NSDHL: variants seen among roughly 807,000 people sequenced by gnomAD.
NSDHL encodes the protein sterol-4-alpha-carboxylate 3-dehydrogenase, decarboxylating.
Under a neutral mutation model 23.0 loss-of-function variants are expected in NSDHL, and 1 was observed. That is an observed-to-expected ratio of 0.04 (90% CI 0.02 to 0.21). The LOEUF (loss-of-function observed/expected upper bound fraction) is 0.21, where lower values mean the gene tolerates loss of function less well. NSDHL is among the 10% of genes least tolerant of loss of function. The pLI is 1.00. For missense variants in NSDHL, 237 were observed against 300.9 expected, an observed-to-expected ratio of 0.79 and a Z score of 1.57; for synonymous variants, 128 against 121.1, an observed-to-expected ratio of 1.06 and a Z score of -0.37.
At chrX:152,855,779 A>G (rs1186593896) in intron 3 of NSDHL, among the ~76,000 whole-genome samples, 1 of 112,166 alleles carries the variant, frequency 8.9e-6, no homozygotes, top group Non-Finnish European at 1.9e-5. Flanking sequence ...GTTGAAGTCA[A>G]TCCTAGACAT....
At chrX:152,834,655 T>C (rs1933064042) in intron 1 of NSDHL, among the ~76,000 whole-genome samples, 1 of 112,740 alleles carries the variant, frequency 8.9e-6, no homozygotes, top group Non-Finnish European at 1.9e-5. Flanking sequence ...GTGTGCCGCC[T>C]CAGGTGAATC....
chrX:152,856,964 G>C (rs889729418), intron 3 of NSDHL, among the ~76,000 whole-genome samples: 1 of 112,562 alleles, frequency 8.9e-6, no homozygotes, highest in African/African-American at 3.2e-5. Context: ...AGAATCGCTT[G>C]AGCCCGGGAG....
At chrX:152,849,613 A>C (rs1396140017) in intron 2 of NSDHL, among the ~76,000 whole-genome samples, 1 of 112,514 alleles carries the variant, frequency 8.9e-6, no homozygotes, top group Non-Finnish European at 1.9e-5. Flanking sequence ...AGTTCGGAGG[A>C]GGGAAAGCAG....
Position 152,861,508 on chromosome X carries a change from C to G in NSDHL, c.415-1088C>G, listed in dbSNP as rs144513313. Reference sequence around the variant, plus strand: ...ACTTGGCTATTCTGAGCCCTTTGTTCTTCTACATATGTTTGGCTTAACCAG... The same window carrying G: ...ACTTGGCTATTCTGAGCCCTTTGTTGTTCTACATATGTTTGGCTTAACCAG... On this transcript the variant is annotated intron_variant, in intron 4 of 7. Coordinates refer to ENST00000370274, the MANE Select transcript of NSDHL (RefSeq NM_015922.3). Among the ~76,000 whole-genome samples, 72 of 112,981 alleles carry G rather than the reference C, an allele frequency of 6.4e-4. No individual in the cohort carries two copies. The East Asian group carries it at 0.011, about 18-fold the overall frequency.
intron 7 of NSDHL, 105 bp downstream of exon 7, chrX:152,867,778 G>T (rs782694321): frequency 4.5e-5 from 27 of 604,715 alleles, no homozygotes; most frequent in Non-Finnish European, 7.1e-5. Context: ...GTATCATGGA[G>T]GATCTGCCTT....
rs182870506 is a variant in NSDHL at position 152,848,529 on chromosome X, A to G, written c.109-1736A>G. ...CACATTGTCCAAGAGTAGCGTACTG[A>G]TTAGTCACAATTAAAATCGTGAAAT... On this transcript the variant is annotated intron_variant, in intron 2 of 7. Coordinates refer to ENST00000370274, the MANE Select transcript of NSDHL (RefSeq NM_015922.3). 3.5e-5 allele frequency among the ~76,000 whole-genome samples: 4 copies of G among 112,887 alleles called. No individual in the cohort carries two copies. In the East Asian group the frequency reaches 1.1e-3, roughly 31 times the overall value.
At chrX:152,865,987 C>G (rs1327829967) in intron 6 of NSDHL, 26 bp downstream of exon 6, 3 of 1,203,989 alleles carry the variant, frequency 2.5e-6, no homozygotes, top group Non-Finnish European at 3.4e-6. Flanking sequence ...GCGGCTCTTC[C>G]CTAGTCCTTC....
Position 152,852,265 on chromosome X carries a change from T to TA in NSDHL, c.267+1844dup, listed in dbSNP as rs782450162. On this transcript the variant is annotated intron_variant, in intron 3 of 7. Transcript: ENST00000370274. ...AGACGGAGAAAGAGAGGTTGAGATTTAATTCACAGAATTGGTTTACATGAT... is the reference window on the plus strand; with the variant it reads ...AGACGGAGAAAGAGAGGTTGAGATTTAAATTCACAGAATTGGTTTACATGAT... Among the ~76,000 whole-genome samples, 3 of 111,670 alleles carry TA rather than the reference T, an allele frequency of 2.7e-5. No homozygotes were observed. In the South Asian group the frequency reaches 1.1e-3, roughly 42 times the overall value.
Position 152,833,004 on chromosome X carries a change from A to T in NSDHL, c.-44+1887A>T, listed in dbSNP as rs1349711237. The stretch of plus-strand genomic sequence containing the variant: ...GCTCCTCCTCATCTTCCTTCTCAGC[A>T]TACTCATCAGGAAGACCGTGAGGAT... On this transcript the variant is annotated intron_variant, in intron 1 of 7. Transcript: ENST00000370274. Among the ~76,000 whole-genome samples the T allele has an allele frequency of 6.3e-5, 7 of 111,353 alleles. No individual in the cohort carries two copies. The Admixed American group carries it at 6.6e-4, about 11-fold the overall frequency.
intron 1 of NSDHL, among the ~76,000 whole-genome samples, chrX:152,837,290 T>C (rs1933114004): frequency 8.9e-6 from 1 of 111,792 alleles, no homozygotes. Flanking sequence ...CCTTTATTTC[T>C]TTCTCTTGCC....
Position 152,869,387 on chromosome X carries a change from C to G in NSDHL, c.*271C>G, listed in dbSNP as rs868957602. The G allele has an allele frequency of 5.2e-6, 2 of 387,055 alleles. No individual in the cohort carries two copies. Among genetic ancestry groups the G allele is most frequent in the African/African-American group, 5.0e-5 (2 of 39,932 alleles). 31.9% of individuals were successfully genotyped at this position (387,055 alleles called of 1,213,427 possible). A position where few individuals can be genotyped will look rare whatever the true frequency, so the allele number is the denominator to read the frequency against. On this transcript the variant is annotated 3_prime_UTR_variant, in exon 8 of 8. Transcript: ENST00000370274. ...TCTTTTTGTGTCTCTCTGTTTACCC[C>G]CTCCCTTGCCCCCTCTTCTGGTTTA...
rs1479205469 is a variant in NSDHL at position 152,862,763 on chromosome X, G to A, written c.543+39G>A. ...AACTGGTTGAGTGAGCAGACTGAAGGGTTTAGAATCCTAAGAAAAATGTTT... is the reference window on the plus strand; with the variant it reads ...AACTGGTTGAGTGAGCAGACTGAAGAGTTTAGAATCCTAAGAAAAATGTTT... On this transcript the variant is annotated intron_variant, in intron 5 of 7. Coordinates refer to ENST00000370274, the MANE Select transcript of NSDHL (RefSeq NM_015922.3). 4 of 1,172,832 alleles carry A rather than the reference G, an allele frequency of 3.4e-6. No individual in the cohort carries two copies. In the African/African-American group the frequency reaches 7.0e-5, roughly 21 times the overall value.
intron 2 of NSDHL, among the ~76,000 whole-genome samples, chrX:152,847,030 T>G (rs1355678496): frequency 8.9e-6 from 1 of 112,337 alleles, no homozygotes; most frequent in Non-Finnish European, 1.9e-5. Flanking sequence ...CTGGGCACGG[T>G]GTCTCACACC....
At chrX:152,840,181 TTATTC>T (rs1248341838) in intron 1 of NSDHL, among the ~76,000 whole-genome samples, 15 of 112,365 alleles carry the variant, frequency 1.3e-4, no homozygotes, top group Non-Finnish European at 2.3e-4. Context: ...TCTACACTGT[TTATTC>T]TAGTTAGTCA....
At chrX:152,858,679 C>G (rs1933479449) in intron 3 of NSDHL, 91 bp from the exon 4 acceptor site, 1 of 790,268 alleles carries the variant, frequency 1.3e-6, no homozygotes, top group African/African-American at 2.0e-5. Context: ...GACAAGGAAC[C>G]TACAAGCCAC....
intron 4 of NSDHL, among the ~76,000 whole-genome samples, chrX:152,860,572 G>A (rs947651116): frequency 9.0e-6 from 1 of 111,220 alleles, no homozygotes; most frequent in African/African-American, 3.3e-5. Flanking sequence ...TAAAAGCCAG[G>A]TGTGGTGGTA....
chrX:152,838,710 A>T lies in NSDHL; in HGVS notation c.-43-7572A>T, dbSNP rs925975022. 4.5e-5 allele frequency among the ~76,000 whole-genome samples: 5 copies of T among 111,951 alleles called. No individual in the cohort carries two copies. In the Admixed American group the frequency reaches 4.7e-4, roughly 11 times the overall value. Reference sequence around the variant, plus strand: ...TTTTACATTTGCTGAGGAGTGCTTTACTTCCAACTATGTGGTCAATTTTGG... The same window carrying T: ...TTTTACATTTGCTGAGGAGTGCTTTTCTTCCAACTATGTGGTCAATTTTGG... On this transcript the variant is annotated intron_variant, in intron 1 of 7. Coordinates refer to ENST00000370274, the MANE Select transcript of NSDHL (RefSeq NM_015922.3).
At chrX:152,839,108 CT>C (rs1180005863) in intron 1 of NSDHL, among the ~76,000 whole-genome samples, 1 of 111,957 alleles carries the variant, frequency 8.9e-6, no homozygotes, top group East Asian at 2.8e-4. Flanking sequence ...TTATCAAAGA[CT>C]AGGATTGCAA....
chrX:152,869,093 C>T lies in NSDHL; in HGVS notation c.1099C>T (p.Arg367Cys), dbSNP rs199567542. The T allele has an allele frequency of 2.7e-5, 33 of 1,209,744 alleles. No individual in the cohort carries two copies. The highest frequency in any genetic ancestry group is 1.7e-4 in the Admixed American group (8 of 45,911). Residue 367 changes from arginine to cysteine, a missense_variant, in exon 8 of 8, where the codon CGC (arginine) becomes TGC (cysteine). Arg to Cys is a radical substitution (Grantham distance 180). Transcript: ENST00000370274. ...TATGGAGAGGACCGTGCAGAGCTTT[C>T]GCCACCTGCGGAGGGTCAAGTGAGG... ...DAMERTVQSF[R>C]HLRRVK
Sources: allele counts gnomAD v4.1 joint callset (sites outside exome capture counted in the v4.1 genomes callset), GRCh38; gene constraint gnomAD v4.1.1; transcripts MANE v1.5; gene names NCBI Gene and HGNC (gene_info 2026-07-23, HGNC 2026-07-21).